NKX6-2: variants seen among roughly 807,000 people sequenced by gnomAD.
NKX6-2 encodes the protein NK6 homeobox 2, also known as homeobox protein Nkx-6.2.
NKX6-2 carries 22 observed loss-of-function variants against 19.9 expected under a neutral mutation model. That is an observed-to-expected ratio of 1.10 (90% CI 0.79 to 1.58). The LOEUF is 1.58. NKX6-2 is among the 40% of genes most tolerant of loss of function. The pLI, the probability that NKX6-2 is intolerant of heterozygous loss-of-function variation, is 0.00. For synonymous variants in NKX6-2, 257 were observed against 204.0 expected, an observed-to-expected ratio of 1.26 and a Z score of -2.21; for missense variants, 475 against 410.6, an observed-to-expected ratio of 1.16 and a Z score of -1.35.
Position 132,785,753 on chromosome 10 carries a change from G to A in NKX6-2, c.196C>T (p.Arg66Trp). 2 of 1,246,094 alleles carry A rather than the reference G, an allele frequency of 1.6e-6. No homozygotes were observed. The highest frequency in any genetic ancestry group is 3.0e-5 in the South Asian group (1 of 33,646). 77.2% of individuals were successfully genotyped at this position (1,246,094 alleles called of 1,614,324 possible). The stretch of plus-strand genomic sequence containing the variant: ...CCCCCGCCCGCCGCGCCCACGGGCC[G>A]GCCCAGGATGTCGCTGATGCCGTGC... ...TPHGISDILG[R>W]PVGAAGGGLL... Residue 66 changes from arginine to tryptophan, a missense_variant, in exon 1 of 3, where the codon CGG becomes TGG. Transcript: ENST00000368592. This position sits in a 1 kb window ranked among gnomAD's most constrained non-coding sequence, Gnocchi z 5.5.
Position 132,785,867 on chromosome 10 carries a change from A to C in NKX6-2, c.82T>G (p.Ser28Ala), listed in dbSNP as rs1470513388. ...CCCTGCAGCGCGTAGGGGAACAGCGACGTCTTCATCTCGGCCATGTTGTGC... is the reference window on the plus strand; with the variant it reads ...CCCTGCAGCGCGTAGGGGAACAGCGCCGTCTTCATCTCGGCCATGTTGTGC... ...ALHNMAEMKT[S>A]LFPYALQGPA... Residue 28 changes from serine to alanine, a missense_variant, in exon 1 of 3, where the codon TCG becomes GCG. Physicochemically the swap from Ser to Ala is moderately conservative, Grantham distance 99. Transcript: ENST00000368592. The surrounding 1 kb of genome is among the most constrained non-coding windows in gnomAD (Gnocchi z 5.5). 1 of 1,381,958 alleles carries C rather than the reference A, an allele frequency of 7.2e-7. No homozygotes were observed. The highest frequency in any genetic ancestry group is 1.5e-5 in the African/African-American group (1 of 66,256). 85.6% of individuals were successfully genotyped at this position (1,381,958 alleles called of 1,614,324 possible).
At position 132,785,189 on chromosome 10, in the gene NKX6-2, G is replaced by A. The variant is rs771560007; in HGVS notation, c.580-19C>T. ...ACCAGACCTGGGAGTGGACGGGGCG[G>A]TCAGGCGGCCGCGGGGCCCGGGGCT... On this transcript the variant is annotated intron_variant, in intron 2 of 2. Transcript: ENST00000368592. This position sits in a 1 kb window ranked among gnomAD's most constrained non-coding sequence, Gnocchi z 5.5. The A allele has an allele frequency of 5.6e-6, 9 of 1,603,372 alleles. No individual in the cohort carries two copies. The highest frequency in any genetic ancestry group is 7.7e-6 in the Non-Finnish European group (9 of 1,175,552).
chr10:132,784,963 A>G lies in NKX6-2; in HGVS notation c.787T>C (p.Leu263=). The G allele has an allele frequency of 6.2e-7, 1 of 1,612,654 alleles. No individual in the cohort carries two copies. The highest frequency in any genetic ancestry group is 8.5e-7 in the Non-Finnish European group (1 of 1,179,810). The change falls in exon 3 of 3, where the codon TTG becomes CTG. Residue 263 remains leucine, a synonymous_variant. Transcript: ENST00000368592. ...RLLKKHKPSN[L]ALVSPCGGGA... ...CCGCCGCACGGGCTGACCAGCGCCAAGTTCGAGGGTTTGTGCTTCTTGAGC... is the reference window on the plus strand; with the variant it reads ...CCGCCGCACGGGCTGACCAGCGCCAGGTTCGAGGGTTTGTGCTTCTTGAGC...
Position 132,785,475 on chromosome 10 carries a change from G to A in NKX6-2, c.407-23C>T, listed in dbSNP as rs1442164328. ...GGGCTGCAAGGGAGGGGAAGGGAGG[G>A]AGGTCAGCGGCCGGCGGGGTCCCCC... On this transcript the variant is annotated intron_variant, in intron 1 of 2. Transcript: ENST00000368592. The surrounding 1 kb of genome is among the most constrained non-coding windows in gnomAD (Gnocchi z 5.5). 2 of 1,510,082 alleles carry A rather than the reference G, an allele frequency of 1.3e-6. No individual in the cohort carries two copies. Among genetic ancestry groups the A allele is most frequent in the Admixed American group, 2.1e-5 (1 of 47,008 alleles). 93.5% of individuals were successfully genotyped at this position (1,510,082 alleles called of 1,614,324 possible). A position where few individuals can be genotyped will look rare whatever the true frequency, so the allele number is the denominator to read the frequency against.
Position 132,785,067 on chromosome 10 carries a change from C to T in NKX6-2, c.683G>A (p.Gly228Asp), listed in dbSNP as rs564611111. 2 of 1,609,798 alleles carry T rather than the reference C, an allele frequency of 1.2e-6. No homozygotes were observed. Among genetic ancestry groups the T allele is most frequent in the African/African-American group, 1.3e-5 (1 of 74,974 alleles). ...GTCGTCGTCCTCCGCGTCCGAGCCG[C>T]CCACCTTCAGCTTCTCGGCGTCCGA... is the stretch of plus-strand genomic sequence containing the variant. The part of the protein sequence containing the change: ...QDSDAEKLKV[G>D]GSDAEDDDEY... Residue 228 changes from glycine (G) to aspartate (D), a missense_variant, in exon 3 of 3, where the codon GGC becomes GAC. Gly to Asp is a moderately conservative substitution (Grantham distance 94, BLOSUM62 -1). Coordinates refer to ENST00000368592, the MANE Select transcript of NKX6-2 (RefSeq NM_177400.3). The surrounding 1 kb of genome is among the most constrained non-coding windows in gnomAD (Gnocchi z 5.5).
At position 132,784,882 on chromosome 10, in the gene NKX6-2, T is replaced by C; in HGVS notation, c.*34A>G. 1 of 1,586,518 alleles carries C rather than the reference T, an allele frequency of 6.3e-7. No individual in the cohort carries two copies. The highest frequency in any genetic ancestry group is 2.3e-5 in the East Asian group (1 of 44,398). ...CCCACCCGGGGCCGCCCCCGGATTCTGCAAAAATAGATTCGCCCCCACCCC... is the reference window on the plus strand; with the variant it reads ...CCCACCCGGGGCCGCCCCCGGATTCCGCAAAAATAGATTCGCCCCCACCCC... On this transcript the variant is annotated 3_prime_UTR_variant, in exon 3 of 3. Transcript: ENST00000368592.
chr10:132,784,937 G>T lies in NKX6-2; in HGVS notation c.813C>A (p.Gly271=). The change falls in exon 3 of 3, where the codon GGC becomes GGA. Residue 271 remains glycine (G), a synonymous_variant. Transcript: ENST00000368592. The part of the protein sequence containing the change: ...SNLALVSPCG[G]GAGDAL ...GTCCTCACAAGGCGTCCCCCGCGCC[G>T]CCGCCGCACGGGCTGACCAGCGCCA... 1 of 1,612,208 alleles carries T rather than the reference G, an allele frequency of 6.2e-7. No individual in the cohort carries two copies. Among genetic ancestry groups the T allele is most frequent in the Non-Finnish European group, 8.5e-7 (1 of 1,179,668 alleles).
In NKX6-2 at chr10:132,785,202, G is replaced by C. The variant is rs773075378; in HGVS notation, c.580-32C>G. 2 of 1,592,708 alleles carry C rather than the reference G, an allele frequency of 1.3e-6. No individual in the cohort carries two copies. The highest frequency in any genetic ancestry group is 1.7e-6 in the Non-Finnish European group (2 of 1,170,318). Reference sequence around the variant, plus strand: ...GTGGACGGGGCGGTCAGGCGGCCGCGGGGCCCGGGGCTGGCGCTGGGGCCG... The same window carrying C: ...GTGGACGGGGCGGTCAGGCGGCCGCCGGGCCCGGGGCTGGCGCTGGGGCCG... On this transcript the variant is annotated intron_variant, in intron 2 of 2. Transcript: ENST00000368592. This position sits in a 1 kb window ranked among gnomAD's most constrained non-coding sequence, Gnocchi z 5.5.
rs1847206094 is a variant in NKX6-2, at chr10:132,783,605, GTA to G, written c.*1309_*1310del. 1 of 152,220 alleles carries G rather than the reference GTA, an allele frequency of 6.6e-6. No homozygotes were observed. Among genetic ancestry groups the G allele is most frequent in the Non-Finnish European group, 1.5e-5 (1 of 68,034 alleles). 9.4% of individuals were successfully genotyped at this position (152,220 alleles called of 1,614,324 possible). Reference sequence around the variant, plus strand: ...TCATTAGAAATCCTGGAATTTCACTGTATCACACGCTGTCACAAAACACTAAG... The same window carrying G: ...TCATTAGAAATCCTGGAATTTCACTGTCACACGCTGTCACAAAACACTAAG... On this transcript the variant is annotated 3_prime_UTR_variant, in exon 3 of 3. Coordinates refer to ENST00000368592, the MANE Select transcript of NKX6-2 (RefSeq NM_177400.3).
At position 132,785,466 on chromosome 10, in the gene NKX6-2, G is replaced by A. The variant is rs1394030640; in HGVS notation, c.407-14C>T. 2 of 1,547,674 alleles carry A rather than the reference G, an allele frequency of 1.3e-6. No homozygotes were observed. Among genetic ancestry groups the A allele is most frequent in the Non-Finnish European group, 8.7e-7 (1 of 1,147,668 alleles). On this transcript the variant is annotated splice_polypyrimidine_tract_variant and intron_variant, in intron 1 of 2. Coordinates refer to ENST00000368592, the MANE Select transcript of NKX6-2 (RefSeq NM_177400.3). This position sits in a 1 kb window ranked among gnomAD's most constrained non-coding sequence, Gnocchi z 5.5. ...CGCCGGCCGGGGCTGCAAGGGAGGGGAAGGGAGGGAGGTCAGCGGCCGGCG... is the reference window on the plus strand; with the variant it reads ...CGCCGGCCGGGGCTGCAAGGGAGGGAAAGGGAGGGAGGTCAGCGGCCGGCG...
chr10:132,783,622 A>G lies in NKX6-2; in HGVS notation c.*1294T>C, dbSNP rs1847206469. 6 of 152,372 alleles carry G rather than the reference A, an allele frequency of 3.9e-5. No individual in the cohort carries two copies. The South Asian group carries it at 1.2e-3, about 32-fold the overall frequency. 9.4% of individuals were successfully genotyped at this position (152,372 alleles called of 1,614,324 possible). On this transcript the variant is annotated 3_prime_UTR_variant, in exon 3 of 3. Coordinates refer to ENST00000368592, the MANE Select transcript of NKX6-2 (RefSeq NM_177400.3). ...ATTTCACTGTATCACACGCTGTCAC[A>G]AAACACTAAGCCGTTCATTGAGAGG... is the stretch of plus-strand genomic sequence containing the variant.
Position 132,785,237 on chromosome 10 carries a change from C to G in NKX6-2, c.579+43G>C, listed in dbSNP as rs556982275. ...GCTGGCGCTGGGGCCGTTCGCAGGA[C>G]GCGGGCCCCCGGCTCTGCTCTCCCG... On this transcript the variant is annotated intron_variant, in intron 2 of 2. Transcript: ENST00000368592. This position sits in a 1 kb window ranked among gnomAD's most constrained non-coding sequence, Gnocchi z 5.5. 8 of 1,579,934 alleles carry G rather than the reference C, an allele frequency of 5.1e-6. No homozygotes were observed. In the African/African-American group the frequency reaches 8.1e-5, roughly 16 times the overall value.
rs548894919 is a variant in NKX6-2, at chr10:132,783,230, A to G, written c.*1686T>C. 1 of 152,508 alleles carries G rather than the reference A, an allele frequency of 6.6e-6. No individual in the cohort carries two copies. The highest frequency in any genetic ancestry group is 2.4e-5 in the African/African-American group (1 of 41,552). The allele number at this position is 152,508 out of a possible 1,614,324, so 9.4% of individuals were successfully genotyped here. On this transcript the variant is annotated 3_prime_UTR_variant, in exon 3 of 3. Coordinates refer to ENST00000368592, the MANE Select transcript of NKX6-2 (RefSeq NM_177400.3). ...TATTGATTTTACTTTAGAACACTAC[A>G]GAGTTCCTGGACCGGGTGAAGGCAT...
In NKX6-2 at chr10:132,785,394, G is replaced by A. The variant is rs1486653321; in HGVS notation, c.465C>T (p.Phe155=). 2.6e-5 allele frequency: 42 copies of A among 1,603,576 alleles called. No homozygotes were observed. Among genetic ancestry groups the A allele is most frequent in the Non-Finnish European group, 3.5e-5 (41 of 1,176,680 alleles). ...CCAGCGCGAAGATCTGCTGGCCCGA[G>A]AAGGTCGGGCGCGAGTGCTTCTTCT... The part of the protein sequence containing the change: ...DGKKKHSRPT[F]SGQQIFALEK... The change falls in exon 2 of 3, where the codon TTC becomes TTT. Residue 155 remains phenylalanine, a synonymous_variant. Transcript: ENST00000368592. The surrounding 1 kb of genome is among the most constrained non-coding windows in gnomAD (Gnocchi z 5.5).
chr10:132,785,844 C>A lies in NKX6-2; in HGVS notation c.105G>T (p.Gln35His). The A allele has an allele frequency of 1.4e-6, 2 of 1,391,658 alleles. No individual in the cohort carries two copies. The highest frequency in any genetic ancestry group is 9.4e-7 in the Non-Finnish European group (1 of 1,064,860). 86.2% of individuals were successfully genotyped at this position (1,391,658 alleles called of 1,614,324 possible). ...MKTSLFPYALQGPAGFKAPAL... is the reference protein window; with the variant it reads ...MKTSLFPYALHGPAGFKAPAL... ...CGGGCGCCTTGAAGCCGGCCGGACC[C>A]TGCAGCGCGTAGGGGAACAGCGACG... is the stretch of plus-strand genomic sequence containing the variant. Residue 35 changes from glutamine (Q) to histidine (H), a missense_variant, in exon 1 of 3, where the codon CAG becomes CAT. Gln to His is a conservative substitution (Grantham distance 24). Transcript: ENST00000368592. This position sits in a 1 kb window ranked among gnomAD's most constrained non-coding sequence, Gnocchi z 5.5.
Position 132,785,033 on chromosome 10 carries a change from G to A in NKX6-2, c.717C>T (p.Asn239=). ...CGTCCGAGTTGGGGTCCAGGGGCCG[G>A]TTGTATTCGTCGTCGTCCTCCGCGT... ...GSDAEDDDEY[N]RPLDPNSDDE... The change falls in exon 3 of 3, where the codon AAC becomes AAT. Residue 239 remains asparagine, a synonymous_variant. Coordinates refer to ENST00000368592, the MANE Select transcript of NKX6-2 (RefSeq NM_177400.3). This position sits in a 1 kb window ranked among gnomAD's most constrained non-coding sequence, Gnocchi z 5.5. 2 of 1,609,500 alleles carry A rather than the reference G, an allele frequency of 1.2e-6. No individual in the cohort carries two copies. The highest frequency in any genetic ancestry group is 1.7e-6 in the Non-Finnish European group (2 of 1,176,656).
rs1230174671 is a variant in NKX6-2, at chr10:132,784,061, C to G, written c.*855G>C. On this transcript the variant is annotated 3_prime_UTR_variant, in exon 3 of 3. Transcript: ENST00000368592. ...GTTTTGTCAGCCGCAGTCACAGCCCCGCGGAGCTGGCGGCATTTCAGGGCA... is the reference window on the plus strand; with the variant it reads ...GTTTTGTCAGCCGCAGTCACAGCCCGGCGGAGCTGGCGGCATTTCAGGGCA... The G allele has an allele frequency of 6.6e-6, 1 of 152,256 alleles. No homozygotes were observed. The highest frequency in any genetic ancestry group is 1.5e-5 in the Non-Finnish European group (1 of 68,044). The allele number at this position is 152,256 out of a possible 1,614,324, so 9.4% of individuals were successfully genotyped here. A position where few individuals can be genotyped will look rare whatever the true frequency, so the allele number is the denominator to read the frequency against.
At position 132,785,051 on chromosome 10, in the gene NKX6-2, C is replaced by G. The variant is rs1847234356; in HGVS notation, c.699G>C (p.Glu233Asp). 2.5e-6 allele frequency: 4 copies of G among 1,609,960 alleles called. No individual in the cohort carries two copies. The highest frequency in any genetic ancestry group is 3.4e-6 in the Non-Finnish European group (4 of 1,177,168). ...GGGGCCGGTTGTATTCGTCGTCGTCCTCCGCGTCCGAGCCGCCCACCTTCA... is the reference window on the plus strand; with the variant it reads ...GGGGCCGGTTGTATTCGTCGTCGTCGTCCGCGTCCGAGCCGCCCACCTTCA... ...EKLKVGGSDA[E>D]DDDEYNRPLD... The change falls in exon 3 of 3, where the codon GAG becomes GAC. Residue 233 changes from glutamate to aspartate, a missense_variant. Coordinates refer to ENST00000368592, the MANE Select transcript of NKX6-2 (RefSeq NM_177400.3). The surrounding 1 kb of genome is among the most constrained non-coding windows in gnomAD (Gnocchi z 5.5).
chr10:132,785,835 G>A lies in NKX6-2; in HGVS notation c.114C>T (p.Ala38=), dbSNP rs199513396. The part of the protein sequence containing the change: ...SLFPYALQGP[A]GFKAPALGGL... ...CCCCCAGCGCGGGCGCCTTGAAGCCGGCCGGACCCTGCAGCGCGTAGGGGA... is the reference window on the plus strand; with the variant it reads ...CCCCCAGCGCGGGCGCCTTGAAGCCAGCCGGACCCTGCAGCGCGTAGGGGA... The change falls in exon 1 of 3, where the codon GCC becomes GCT. Residue 38 remains alanine (A), a synonymous_variant. Coordinates refer to ENST00000368592, the MANE Select transcript of NKX6-2 (RefSeq NM_177400.3). The surrounding 1 kb of genome is among the most constrained non-coding windows in gnomAD (Gnocchi z 5.5). 7.2e-6 allele frequency: 10 copies of A among 1,384,198 alleles called. No homozygotes were observed. In the African/African-American group the frequency reaches 1.1e-4, roughly 15 times the overall value. The allele number at this position is 1,384,198 out of a possible 1,614,324, so 85.7% of individuals were successfully genotyped here.
Sources: allele counts gnomAD v4.1 joint callset, GRCh38; gene constraint gnomAD v4.1.1; non-coding constraint Gnocchi (gnomAD v3.1); transcripts MANE v1.5; gene names NCBI Gene and HGNC (gene_info 2026-07-23, HGNC 2026-07-21).